Variants in IRF2 observed in about 807,000 individuals in gnomAD.
IRF2 encodes interferon regulatory factor 2.
Under a neutral mutation model 40.6 loss-of-function variants are expected in IRF2, and 15 were observed. The ratio of observed to expected loss-of-function variants is 0.37; its 90% CI spans 0.25 to 0.57. The LOEUF is 0.57. Among genes scored for constraint, IRF2 ranks in the 20% least tolerant of loss-of-function variants. The pLI is 0.77. For synonymous variants in IRF2, 151 were observed against 165.5 expected (o/e 0.91, Z 0.67); for missense variants, 317 against 455.7 (o/e 0.70, Z 2.77).
intron 1 of IRF2, among the ~76,000 whole-genome samples, chr4:184,442,929 G>A (rs917307681): frequency 2.0e-5 from 3 of 151,716 alleles, no homozygotes; most frequent in Non-Finnish European, 2.9e-5. Context: ...GGGAGGGGTT[G>A]TTTTGTTTTG....
chr4:184,444,061 C>T (rs561175595), intron 1 of IRF2, among the ~76,000 whole-genome samples: 16 of 152,300 alleles, frequency 1.1e-4, no homozygotes, highest in South Asian at 1.0e-3. Context: ...AGCCACATGA[C>T]TCCAGGACAG....
rs568787184 is a variant in IRF2 at position 184,404,565 on chromosome 4, T to A, written c.529+3593A>T. 2.6e-5 allele frequency among the ~76,000 whole-genome samples: 4 copies of A among 152,282 alleles called. No individual in the cohort carries two copies. The East Asian group carries it at 7.7e-4, about 29-fold the overall frequency. On this transcript the variant is annotated intron_variant, in intron 6 of 8. Transcript: ENST00000393593. ...ATAAATAATTATATATTGTTTCCAA[T>A]CTATATAGAAATTGAATTTCAAAAG...
At position 184,455,722 on chromosome 4, in the gene IRF2, A is replaced by G. The variant is rs116672382; in HGVS notation, c.-7+18657T>C. On this transcript the variant is annotated intron_variant, in intron 1 of 8. Coordinates refer to ENST00000393593, the MANE Select transcript of IRF2 (RefSeq NM_002199.4). ...AAACTTATGAACAAATGATAAGCAAAGGAAATAAAATGACTACAAAAAGCA... is the reference window on the plus strand; with the variant it reads ...AAACTTATGAACAAATGATAAGCAAGGGAAATAAAATGACTACAAAAAGCA... 7.8e-3 allele frequency among the ~76,000 whole-genome samples: 1,189 copies of G among 152,308 alleles called. 23 individuals carry two copies. The highest frequency in any genetic ancestry group is 0.026 in the African/African-American group (1,100 of 41,564).
chr4:184,450,548 T>C (rs1158650113), intron 1 of IRF2, among the ~76,000 whole-genome samples: 1 of 152,218 alleles, frequency 6.6e-6, no homozygotes, highest in Non-Finnish European at 1.5e-5. Context: ...TAAATATTTT[T>C]ATAAAATTTG....
intron 5 of IRF2, among the ~76,000 whole-genome samples, chr4:184,415,957 TTC>T (rs1737251800): frequency 6.6e-6 from 1 of 152,182 alleles, no homozygotes; most frequent in Non-Finnish European, 1.5e-5. Context: ...TTGTAGCAAA[TTC>T]TCACACATGT....
At chr4:184,450,372 G>A (rs1346028582) in intron 1 of IRF2, among the ~76,000 whole-genome samples, 6 of 152,098 alleles carry the variant, frequency 3.9e-5, no homozygotes, top group Non-Finnish European at 7.3e-5. Context: ...TTGTTATCAC[G>A]CTACACGAAA....
chr4:184,401,367 AG>A (rs1036852792), intron 6 of IRF2, among the ~76,000 whole-genome samples: 5 of 152,220 alleles, frequency 3.3e-5, no homozygotes, highest in Non-Finnish European at 7.3e-5. Context: ...GGCACAAAAG[AG>A]GCTCAGAAAG....
chr4:184,462,756 A>ACAAAGTAACAAATCCTAATG (rs1379603401), intron 1 of IRF2, among the ~76,000 whole-genome samples: 9 of 152,242 alleles, frequency 5.9e-5, no homozygotes, highest in African/African-American at 1.9e-4. Flanking sequence ...AACCCCTAAT[A>ACAAAGTAACAAATCCTAATG]CAAAGTAACA....
intron 2 of IRF2, among the ~76,000 whole-genome samples, chr4:184,421,245 T>C (rs1737471871): frequency 6.6e-6 from 1 of 152,208 alleles, no homozygotes; most frequent in African/African-American, 2.4e-5. Flanking sequence ...TTCAGAACAT[T>C]GGAGAGTTTC....
intron 1 of IRF2, among the ~76,000 whole-genome samples, chr4:184,453,082 C>T (rs1242993224): frequency 6.6e-6 from 1 of 152,050 alleles, no homozygotes; most frequent in African/African-American, 2.4e-5. Flanking sequence ...GATGCAGATA[C>T]ACATGTAATA....
At position 184,474,145 on chromosome 4, in the gene IRF2, G is replaced by C. The variant is rs2149923058; in HGVS notation, c.-7+234C>G. 6.5e-6 allele frequency: 1 copy of C among 154,152 alleles called. No individual in the cohort carries two copies. Among genetic ancestry groups the C allele is most frequent in the East Asian group, 1.9e-4 (1 of 5,224 alleles). 9.5% of individuals were successfully genotyped at this position (154,152 alleles called of 1,614,324 possible). The stretch of plus-strand genomic sequence containing the variant: ...CCTCCTCGCAGCCTCAGCAGCCCCA[G>C]TAGCAGCAGCAACAGCAGCAGAACC... On this transcript the variant is annotated intron_variant, in intron 1 of 8. Transcript: ENST00000393593. The surrounding 1 kb of genome is among the most constrained non-coding windows in gnomAD (Gnocchi z 5.6).
chr4:184,460,661 ACGCGCACACACACACACATG>A (rs1314844815), intron 1 of IRF2, among the ~76,000 whole-genome samples: 20 of 87,496 alleles, frequency 2.3e-4, no homozygotes, highest in Non-Finnish European at 4.3e-4. Flanking sequence ...ACACACATGC[ACGCGCACACACACACACATG>A]CACGCACACA....
At chr4:184,424,616 T>C (rs947934036) in intron 2 of IRF2, among the ~76,000 whole-genome samples, 11 of 152,116 alleles carry the variant, frequency 7.2e-5, no homozygotes, top group African/African-American at 2.6e-4. Context: ...TTGCAGAGGG[T>C]CCCCACCAGC....
intron 2 of IRF2, among the ~76,000 whole-genome samples, chr4:184,420,551 T>C (rs1737447468): frequency 6.6e-6 from 1 of 152,196 alleles, no homozygotes; most frequent in Admixed American, 6.5e-5. Flanking sequence ...TCTACATCTC[T>C]CTCAGTGTTG....
chr4:184,438,753 C>G (rs1413453933), intron 1 of IRF2, among the ~76,000 whole-genome samples: 1 of 152,212 alleles, frequency 6.6e-6, no homozygotes, highest in East Asian at 1.9e-4. Flanking sequence ...ACCCTAAGAG[C>G]TGTACTGACT....
intron 2 of IRF2, among the ~76,000 whole-genome samples, chr4:184,428,127 G>T (rs1737737486): frequency 6.6e-6 from 1 of 152,236 alleles, no homozygotes; most frequent in Non-Finnish European, 1.5e-5. Flanking sequence ...AAGTAAGGGA[G>T]TGTTTGTGCC....
chr4:184,394,033 G>T (rs1186499691), intron 7 of IRF2, among the ~76,000 whole-genome samples: 1 of 152,196 alleles, frequency 6.6e-6, no homozygotes, highest in Non-Finnish European at 1.5e-5. Flanking sequence ...TGATTAGTTT[G>T]AATTTGTTTT....
In IRF2 at chr4:184,453,748, G is replaced by A. The variant is rs1477135462; in HGVS notation, c.-7+20631C>T. ...TGAGCCATGCTGGCTTGAGGAGGAG[G>A]AGCGTGGCAGAAACGGCAGGACCTG... On this transcript the variant is annotated intron_variant, in intron 1 of 8. Transcript: ENST00000393593. Among the ~76,000 whole-genome samples the A allele has an allele frequency of 2.6e-5, 4 of 152,202 alleles. No individual in the cohort carries two copies. The South Asian group carries it at 6.2e-4, about 24-fold the overall frequency.
chr4:184,465,605 T>G (rs1274802754), intron 1 of IRF2, among the ~76,000 whole-genome samples: 1 of 152,192 alleles, frequency 6.6e-6, no homozygotes, highest in Non-Finnish European at 1.5e-5. Context: ...AAGCACAATT[T>G]CATATCCTTT....
Sources: allele counts gnomAD v4.1 joint callset (sites outside exome capture counted in the v4.1 genomes callset), GRCh38; gene constraint gnomAD v4.1.1; non-coding constraint Gnocchi (gnomAD v3.1); transcripts MANE v1.5; gene names NCBI Gene and HGNC (gene_info 2026-07-23, HGNC 2026-07-21).